CPNE4: variants seen among roughly 807,000 people sequenced by gnomAD.
CPNE4 encodes copine 4.
A neutral mutation model predicts 67.9 loss-of-function variants in CPNE4; 25 were observed. The ratio of observed to expected loss-of-function variants is 0.37; its 90% CI spans 0.27 to 0.51. The LOEUF is 0.51. CPNE4 is among the 20% of genes least tolerant of loss of function. CPNE4 has a pLI of 0.93. For missense variants in CPNE4, 464 were observed against 690.8 expected (o/e 0.67, Z 3.68); for synonymous variants, 242 against 244.9 (o/e 0.99, Z 0.11).
chr3:131,948,548 A>C (rs2071628410), intron 1 of CPNE4, among the ~76,000 whole-genome samples: 1 of 152,178 alleles, frequency 6.6e-6, no homozygotes, highest in South Asian at 2.1e-4. Flanking sequence ...TTGTTCCTTA[A>C]TTTCTTTTTT....
intron 9 of CPNE4, among the ~76,000 whole-genome samples, chr3:131,577,537 A>G (rs1937580130): frequency 6.6e-6 from 1 of 152,156 alleles, no homozygotes; most frequent in South Asian, 2.1e-4. Context: ...CACAACTGTA[A>G]GTCTTTGTGT....
At chr3:131,743,085 A>G (rs2082396099) in intron 2 of CPNE4, among the ~76,000 whole-genome samples, 3 of 152,356 alleles carry the variant, frequency 2.0e-5, no homozygotes, top group South Asian at 2.1e-4. Flanking sequence ...TAATAAAATA[A>G]AACAGACCAA....
intron 9 of CPNE4, among the ~76,000 whole-genome samples, chr3:131,577,675 A>G (rs2107685676): frequency 6.6e-6 from 1 of 152,320 alleles, no homozygotes; most frequent in South Asian, 2.1e-4. Context: ...TGAGTGAGTC[A>G]GTGAGTGAGA....
intron 2 of CPNE4, among the ~76,000 whole-genome samples, chr3:131,887,158 G>T (rs981131072): frequency 6.6e-6 from 1 of 152,124 alleles, no homozygotes; most frequent in Non-Finnish European, 1.5e-5. Flanking sequence ...TTAAATCATG[G>T]GGACAGTTTC....
intron 7 of CPNE4, among the ~76,000 whole-genome samples, chr3:131,618,352 T>G (rs1388349012): frequency 6.6e-6 from 1 of 152,248 alleles, no homozygotes; most frequent in African/African-American, 2.4e-5. Flanking sequence ...TCAATCAAGC[T>G]AAGCAACATA....
At chr3:131,822,788 GC>G (rs1454352176) in intron 2 of CPNE4, among the ~76,000 whole-genome samples, 1 of 152,104 alleles carries the variant, frequency 6.6e-6, no homozygotes, top group East Asian at 1.9e-4. Context: ...TTATTTCTCA[GC>G]AAGGAGGCAG....
At chr3:131,550,203 T>C in intron 13 of CPNE4, 123 bp from the exon 14 acceptor site, 1 of 990,658 alleles carries the variant, frequency 1.0e-6, no homozygotes, top group Non-Finnish European at 1.5e-6. Flanking sequence ...ATGTTTATGT[T>C]CTTAAGATAA....
chr3:131,886,509 G>C (rs138701882), intron 2 of CPNE4, among the ~76,000 whole-genome samples: 4,417 of 152,282 alleles, frequency 0.029, 210 homozygotes, highest in African/African-American at 0.1. Flanking sequence ...CGCCAGAGGA[G>C]CTGTGAGAAG....
chr3:131,537,593 G>A, intron 15 of CPNE4: 1 of 294,852 alleles, frequency 3.4e-6, no homozygotes, highest in Non-Finnish European at 6.6e-6. Flanking sequence ...CTGAAGACTT[G>A]TACATTTCTG....
At chr3:131,768,158 C>T (rs1214244075) in intron 2 of CPNE4, among the ~76,000 whole-genome samples, 1 of 152,010 alleles carries the variant, frequency 6.6e-6, no homozygotes, top group Non-Finnish European at 1.5e-5. Flanking sequence ...AAACCAAGAG[C>T]TGGTTTTCGG....
chr3:131,555,614 A>G, intron 11 of CPNE4, 63 bp from the exon 12 acceptor site: 1 of 1,417,832 alleles, frequency 7.1e-7, no homozygotes, highest in East Asian at 2.3e-5. Context: ...TTAATGAGAA[A>G]GAAAAACATT....
intron 2 of CPNE4, among the ~76,000 whole-genome samples, chr3:131,797,412 C>T (rs1009846560): frequency 1.3e-5 from 2 of 152,124 alleles, no homozygotes; most frequent in Non-Finnish European, 2.9e-5. Flanking sequence ...CCAGACTAAC[C>T]AGTTCATTTT....
chr3:131,686,340 G>A (rs11713951), intron 5 of CPNE4, among the ~76,000 whole-genome samples: 14,229 of 152,194 alleles, frequency 0.093, 757 homozygotes, highest in Non-Finnish European at 0.11. Context: ...GTTCATTATA[G>A]TTATTTTAAT....
chr3:131,573,856 C>T (rs1659163701), intron 10 of CPNE4, among the ~76,000 whole-genome samples: 1 of 152,012 alleles, frequency 6.6e-6, no homozygotes, highest in African/African-American at 2.4e-5. Flanking sequence ...GAATCTTAGA[C>T]TTTAAAGAGG....
At position 131,594,956 on chromosome 3, in the gene CPNE4, C is replaced by A. The variant is rs114374546; in HGVS notation, c.682-7374G>T. Among the ~76,000 whole-genome samples the A allele has an allele frequency of 6.5e-3, 984 of 152,244 alleles. 12 individuals carry two copies. Among genetic ancestry groups the A allele is most frequent in the African/African-American group, 0.023 (940 of 41,526 alleles). On this transcript the variant is annotated intron_variant, in intron 7 of 15. Coordinates refer to ENST00000429747, the MANE Select transcript of CPNE4 (RefSeq NM_130808.3). ...TGGCCAACAGGTGTATACGAAGGTG[C>A]TTGGCATCATTAATTATCAGAAAAA...
intron 7 of CPNE4, among the ~76,000 whole-genome samples, chr3:131,668,534 T>A (rs537712624): frequency 6.6e-6 from 1 of 152,192 alleles, no homozygotes; most frequent in Non-Finnish European, 1.5e-5. Context: ...AACCTTCTGA[T>A]GATTGTCTTC....
At chr3:131,853,210 T>G (rs1195407315) in intron 2 of CPNE4, among the ~76,000 whole-genome samples, 1 of 151,838 alleles carries the variant, frequency 6.6e-6, no homozygotes, top group Non-Finnish European at 1.5e-5. Context: ...GATACTGATA[T>G]AAGGATAGAC....
At chr3:131,998,278 A>G (rs2073346305) in intron 1 of CPNE4, among the ~76,000 whole-genome samples, 1 of 152,060 alleles carries the variant, frequency 6.6e-6, no homozygotes, top group Admixed American at 6.6e-5. Flanking sequence ...ACCATGGCCA[A>G]TTGCTGATCC....
At chr3:131,974,828 C>G (rs925634763) in intron 1 of CPNE4, among the ~76,000 whole-genome samples, 2 of 152,032 alleles carry the variant, frequency 1.3e-5, no homozygotes, top group African/African-American at 4.8e-5. Flanking sequence ...GGCAACATGG[C>G]AAAACCCTGT....
Sources: gnomAD v4.1 joint callset for allele counts (sites outside exome capture counted in the v4.1 genomes callset) on GRCh38, gnomAD v4.1.1 for gene constraint, MANE v1.5 for transcripts, NCBI Gene and HGNC (gene_info 2026-07-23, HGNC 2026-07-21) for gene names.